Variants in SGCZ observed in about 807,000 individuals in gnomAD.
SGCZ encodes the protein zeta-sarcoglycan.
SGCZ carries 40 observed loss-of-function variants against 41.3 expected under a neutral mutation model. That is an observed-to-expected ratio of 0.97 (90% CI 0.75 to 1.26). The LOEUF (loss-of-function observed/expected upper bound fraction) is 1.26. Among genes scored for constraint, SGCZ ranks in the 50% most tolerant of loss-of-function variants. The probability of loss-of-function intolerance (pLI) is 0.00; values close to 1 mark genes in which losing one functional copy is unlikely to be tolerated. For synonymous variants in SGCZ, 206 were observed against 137.5 expected (o/e 1.50, Z -3.49); for missense variants, 552 against 369.8 (o/e 1.49, Z -4.04).
intron 1 of SGCZ, among the ~76,000 whole-genome samples, chr8:14,992,675 G>A (rs1375108639): frequency 4.4e-5 from 2 of 45,796 alleles, no homozygotes; most frequent in Non-Finnish European, 8.0e-5. Flanking sequence ...CTCCCAAAAC[G>A]AGTGTTACCC....
At chr8:14,370,536 T>A (rs887807798) in intron 2 of SGCZ, among the ~76,000 whole-genome samples, 8 of 151,992 alleles carry the variant, frequency 5.3e-5, no homozygotes, top group African/African-American at 1.9e-4. Flanking sequence ...TAAACAGATT[T>A]GATACCTAAA....
At chr8:14,670,493 G>A (rs1275092509) in intron 1 of SGCZ, among the ~76,000 whole-genome samples, 1 of 152,104 alleles carries the variant, frequency 6.6e-6, no homozygotes, top group Non-Finnish European at 1.5e-5. Flanking sequence ...ATTTTCGTCT[G>A]TTATTTAGTC....
Position 14,316,958 on chromosome 8 carries a change from C to A in SGCZ, c.336+7145G>T, listed in dbSNP as rs548244614. Among the ~76,000 whole-genome samples the A allele has an allele frequency of 3.9e-5, 6 of 152,048 alleles. No individual in the cohort carries two copies. In the East Asian group the frequency reaches 9.7e-4, roughly 25 times the overall value. Reference sequence around the variant, plus strand: ...CAACTGTGCTCCTAACCTACCCCCACCCCTACATTCCCAATTCTTCTTTGC... The same window carrying A: ...CAACTGTGCTCCTAACCTACCCCCAACCCTACATTCCCAATTCTTCTTTGC... On this transcript the variant is annotated intron_variant, in intron 3 of 7. Transcript: ENST00000382080.
chr8:14,464,772 G>C (rs1327270694), intron 2 of SGCZ, among the ~76,000 whole-genome samples: 1 of 151,220 alleles, frequency 6.6e-6, no homozygotes, highest in Non-Finnish European at 1.5e-5. Flanking sequence ...TATTCTTTAA[G>C]TTTTGCTATA....
chr8:15,215,001 A>G (rs1801353145), intron 1 of SGCZ, among the ~76,000 whole-genome samples: 1 of 152,196 alleles, frequency 6.6e-6, no homozygotes, highest in African/African-American at 2.4e-5. Context: ...CCACACACTC[A>G]TCTGCATGCT....
At chr8:14,607,067 T>C (rs965493321) in intron 1 of SGCZ, among the ~76,000 whole-genome samples, 3 of 152,130 alleles carry the variant, frequency 2.0e-5, no homozygotes, top group African/African-American at 7.2e-5. Context: ...ATTTAAACAA[T>C]GGCTCATCTA....
intron 1 of SGCZ, among the ~76,000 whole-genome samples, chr8:15,036,968 A>G (rs1057308003): frequency 6.6e-6 from 1 of 152,202 alleles, no homozygotes; most frequent in Non-Finnish European, 1.5e-5. Flanking sequence ...AATCAAACAC[A>G]TTAGCAGAAT....
At chr8:14,304,060 A>G (rs1226373308) in intron 3 of SGCZ, among the ~76,000 whole-genome samples, 2 of 151,948 alleles carry the variant, frequency 1.3e-5, no homozygotes, top group Admixed American at 6.6e-5. Context: ...CCAGTTTGCT[A>G]TTTTTTAATA....
At chr8:14,243,408 T>C (rs975882774) in intron 3 of SGCZ, among the ~76,000 whole-genome samples, 1 of 152,188 alleles carries the variant, frequency 6.6e-6, no homozygotes, top group Non-Finnish European at 1.5e-5. Context: ...GATTTAAAAC[T>C]CACATCGCAA....
At chr8:15,027,085 T>G (rs1282690401) in intron 1 of SGCZ, among the ~76,000 whole-genome samples, 1 of 152,214 alleles carries the variant, frequency 6.6e-6, no homozygotes, top group Non-Finnish European at 1.5e-5. Context: ...ACTGGCTATA[T>G]GCCACAAATA....
At chr8:14,538,555 A>G (rs1803364171) in intron 2 of SGCZ, among the ~76,000 whole-genome samples, 1 of 151,996 alleles carries the variant, frequency 6.6e-6, no homozygotes, top group Non-Finnish European at 1.5e-5. Flanking sequence ...GTGAACCTAA[A>G]TAGCTGATAT....
At chr8:15,149,032 A>C (rs1469854263) in intron 1 of SGCZ, among the ~76,000 whole-genome samples, 3 of 152,138 alleles carry the variant, frequency 2.0e-5, no homozygotes, top group Non-Finnish European at 2.9e-5. Context: ...CACAGAATTG[A>C]TTTTCCTGCT....
intron 4 of SGCZ, among the ~76,000 whole-genome samples, chr8:14,166,198 A>T (rs2116988460): frequency 6.6e-6 from 1 of 152,338 alleles, no homozygotes; most frequent in East Asian, 1.9e-4. Flanking sequence ...ACAGATTTTT[A>T]AAAATAGAAT....
chr8:14,895,203 T>G (rs780612597), intron 1 of SGCZ, among the ~76,000 whole-genome samples: 1 of 152,170 alleles, frequency 6.6e-6, no homozygotes, highest in African/African-American at 2.4e-5. Flanking sequence ...TGCCAACTAG[T>G]TGTGTCATTT....
chr8:14,169,438 G>A (rs1804307644), intron 4 of SGCZ, among the ~76,000 whole-genome samples: 2 of 152,006 alleles, frequency 1.3e-5, no homozygotes, highest in Admixed American at 1.3e-4. Context: ...TAACTTCCAA[G>A]TCAGTAAATT....
At position 14,738,316 on chromosome 8, in the gene SGCZ, T is replaced by A. The variant is rs185181593; in HGVS notation, c.40-183390A>T. 2.1e-3 allele frequency among the ~76,000 whole-genome samples: 324 copies of A among 152,184 alleles called. 4 individuals carry two copies. The highest frequency in any genetic ancestry group is 7.5e-3 in the African/African-American group (313 of 41,552). On this transcript the variant is annotated intron_variant, in intron 1 of 7. Coordinates refer to ENST00000382080, the MANE Select transcript of SGCZ (RefSeq NM_139167.4). ...CCTCAGTATTTTTCTTTCCACAAGA[T>A]TTTCCTGGTTCCCTCTCCTTCATCA...
intron 1 of SGCZ, among the ~76,000 whole-genome samples, chr8:15,050,354 G>T (rs1279067143): frequency 1.3e-5 from 2 of 152,136 alleles, no homozygotes; most frequent in African/African-American, 4.8e-5. Context: ...CTGTGAAATT[G>T]GGAAGAGCTA....
At chr8:14,175,622 T>A (rs116677455) in intron 4 of SGCZ, among the ~76,000 whole-genome samples, 1,734 of 152,166 alleles carry the variant, frequency 0.011, 33 homozygotes, top group African/African-American at 0.04. Flanking sequence ...TAAATTAGTA[T>A]GTTTAAAAAC....
Position 14,875,060 on chromosome 8 carries a change from G to T in SGCZ, c.40-320134C>A, listed in dbSNP as rs182786510. Among the ~76,000 whole-genome samples, 482 of 152,270 alleles carry T rather than the reference G, an allele frequency of 3.2e-3. 3 individuals are homozygous for T. Among genetic ancestry groups the T allele is most frequent in the African/African-American group, 0.011 (461 of 41,562 alleles). On this transcript the variant is annotated intron_variant, in intron 1 of 7. Transcript: ENST00000382080. The stretch of plus-strand genomic sequence containing the variant: ...TGTGTGTATTGCTATAACAAATGGA[G>T]ACCAGGTTATTTATAAACAATGGAA...
Sources: allele counts gnomAD v4.1 joint callset (sites outside exome capture counted in the v4.1 genomes callset), GRCh38; gene constraint gnomAD v4.1.1; transcripts MANE v1.5; gene names NCBI Gene and HGNC (gene_info 2026-07-23, HGNC 2026-07-21).